CNIH3: variants seen among roughly 807,000 people sequenced by gnomAD.
CNIH3 encodes the protein protein cornichon homolog 3.
CNIH3 carries 14 observed loss-of-function variants against 24.1 expected under a neutral mutation model. That is an observed-to-expected ratio of 0.58 (90% CI 0.38 to 0.91). The LOEUF is 0.91. Among genes scored for constraint, CNIH3 ranks in the 40% least tolerant of loss-of-function variants. The pLI is 0.00. For synonymous variants in CNIH3, 68 were observed against 73.8 expected (o/e 0.92, Z 0.40); for missense variants, 178 against 196.8 (o/e 0.90, Z 0.57).
rs76210471 is a variant in CNIH3, at chr1:224,504,087, T to G, written n.204-11654T>G. Among the ~76,000 whole-genome samples the G allele has an allele frequency of 5.3e-5, 8 of 152,352 alleles. No homozygotes were observed. In the East Asian group the frequency reaches 1.2e-3, roughly 22 times the overall value. On this transcript the variant is annotated intron_variant and non_coding_transcript_variant, in intron 1 of 5. Transcript: ENST00000471578. ...AAAATGGATACAGTACTTGCCCTAC[T>G]TACTTAAACAGGCTGTTTTGAGGAC...
intron 3 of CNIH3, among the ~76,000 whole-genome samples, chr1:224,560,515 C>T (rs570171742): frequency 2.6e-5 from 4 of 152,158 alleles, no homozygotes; most frequent in African/African-American, 9.6e-5. Context: ...GAGCTGCTCC[C>T]CGTTGCTTGC....
chr1:224,505,032 C>CCCTTCCTTCCTTCCTTCCTTCCTTCCTT (rs1181782404), intron 1 of CNIH3, among the ~76,000 whole-genome samples: 5 of 45,822 alleles, frequency 1.1e-4, no homozygotes, highest in African/African-American at 3.1e-4. Context: ...CTCCCTCCCT[C>CCCTTCCTTCCTTCCTTCCTTCCTTCCTT]CCTTCCTTCC....
chr1:224,714,061 C>G lies in CNIH3; in HGVS notation c.199-16401C>G, dbSNP rs148996860. Among the ~76,000 whole-genome samples, 366 of 152,296 alleles carry G rather than the reference C, an allele frequency of 2.4e-3. 1 individual carries two copies. Among genetic ancestry groups the G allele is most frequent in the Non-Finnish European group, 4.0e-3 (270 of 68,020 alleles). On this transcript the variant is annotated intron_variant, in intron 3 of 5. Coordinates refer to ENST00000272133, the MANE Select transcript of CNIH3 (RefSeq NM_152495.2). ...AACTCCTGGGCTCAAGTGATCCACCCCACTTGGCTTCCCAAAGTGCTGGGA... is the reference window on the plus strand; with the variant it reads ...AACTCCTGGGCTCAAGTGATCCACCGCACTTGGCTTCCCAAAGTGCTGGGA...
At chr1:224,694,677 A>G (rs780262480) in intron 3 of CNIH3, among the ~76,000 whole-genome samples, 2 of 152,230 alleles carry the variant, frequency 1.3e-5, no homozygotes, top group Non-Finnish European at 2.9e-5. Context: ...TTATGGAACC[A>G]ACCTAAATGC....
intron 3 of CNIH3, among the ~76,000 whole-genome samples, chr1:224,699,211 T>G (rs1687343970): frequency 6.6e-6 from 1 of 152,202 alleles, no homozygotes; most frequent in South Asian, 2.1e-4. Context: ...CCCTGTTCTC[T>G]TCTCTAGTCT....
intron 3 of CNIH3, among the ~76,000 whole-genome samples, chr1:224,608,532 C>A (rs1682536442): frequency 6.6e-6 from 1 of 152,216 alleles, no homozygotes; most frequent in South Asian, 2.1e-4. Context: ...CAGAACGGAA[C>A]AGAACAGGAC....
chr1:224,638,806 A>C (rs1684217017), intron 1 of CNIH3, among the ~76,000 whole-genome samples: 1 of 152,206 alleles, frequency 6.6e-6, no homozygotes, highest in South Asian at 2.1e-4. Flanking sequence ...CATTAAATGA[A>C]GTTCATCACC....
At chr1:224,587,115 C>T (rs1681543773) in intron 5 of CNIH3, 4 of 152,212 alleles carry the variant, frequency 2.6e-5, no homozygotes, top group Non-Finnish European at 5.9e-5. Context: ...GGTCATGTGC[C>T]TGGTTGCCTA....
chr1:224,604,271 G>A lies in CNIH3; in HGVS notation n.402+38007G>A, dbSNP rs10449245. ...AGAACAGAAATCTTTCAATAGTATA[G>A]GAATCGCTGCAGTTATATTAATGAA... On this transcript the variant is annotated intron_variant and non_coding_transcript_variant, in intron 3 of 7. Transcript: ENST00000478120. The surrounding 1 kb of genome is among the most constrained non-coding windows in gnomAD (Gnocchi z 4.4). Among the ~76,000 whole-genome samples the A allele has an allele frequency of 0.049, 7,450 of 152,290 alleles. 559 individuals are homozygous for A. The highest frequency in any genetic ancestry group is 0.16 in the African/African-American group (6,769 of 41,540).
intron 1 of CNIH3, among the ~76,000 whole-genome samples, chr1:224,636,803 G>A (rs1048105031): frequency 6.6e-6 from 1 of 152,074 alleles, no homozygotes; most frequent in Non-Finnish European, 1.5e-5. Flanking sequence ...ATAATATTCA[G>A]CCAATCTCCA....
chr1:224,592,299 T>C (rs561759459), downstream of CNIH3, among the ~76,000 whole-genome samples: 93 of 152,200 alleles, frequency 6.1e-4, no homozygotes, highest in African/African-American at 2.2e-3. Flanking sequence ...TGGTCGAGCT[T>C]AGAGGAGTAA....
chr1:224,708,744 G>T (rs573598495), intron 3 of CNIH3, among the ~76,000 whole-genome samples: 2 of 152,070 alleles, frequency 1.3e-5, no homozygotes, highest in Non-Finnish European at 2.9e-5. Flanking sequence ...TTGTGCACAC[G>T]CATGTCTCTC....
At chr1:224,615,691 G>A (rs572792613), upstream of CNIH3, 1 of 152,292 alleles carries the variant, frequency 6.6e-6, no homozygotes, top group East Asian at 1.9e-4. Context: ...CTTCAGCGCA[G>A]AATAGCCCAC....
intron 1 of CNIH3, among the ~76,000 whole-genome samples, chr1:224,647,953 C>T (rs972046608): frequency 4.6e-5 from 7 of 152,130 alleles, no homozygotes; most frequent in Non-Finnish European, 1.0e-4. Context: ...GTACTGGTTA[C>T]GGGAACGGGC....
intron 1 of CNIH3, among the ~76,000 whole-genome samples, chr1:224,634,310 G>A (rs565722841): frequency 5.3e-5 from 8 of 152,284 alleles, no homozygotes; most frequent in East Asian, 1.9e-4. Context: ...GAGGCCGGGC[G>A]TGGTGGCTCA....
chr1:224,718,622 A>G (rs1225856985), intron 3 of CNIH3, among the ~76,000 whole-genome samples: 1 of 152,166 alleles, frequency 6.6e-6, no homozygotes, highest in Admixed American at 6.5e-5. Context: ...TGAGGGGACC[A>G]GTTAGGAGGA....
chr1:224,505,333 C>T (rs1029241130), intron 1 of CNIH3, among the ~76,000 whole-genome samples: 4 of 150,828 alleles, frequency 2.7e-5, no homozygotes, highest in African/African-American at 9.8e-5. Flanking sequence ...TCTTTTTTGC[C>T]ATATCATGAA....
intron 1 of CNIH3, among the ~76,000 whole-genome samples, chr1:224,651,420 C>T (rs1684850927): frequency 6.6e-6 from 1 of 152,118 alleles, no homozygotes; most frequent in Non-Finnish European, 1.5e-5. Flanking sequence ...TTTTCTTTAC[C>T]ATCACTTTAA....
intron 3 of CNIH3, among the ~76,000 whole-genome samples, chr1:224,595,131 T>C (rs1442691109): frequency 6.6e-6 from 1 of 152,204 alleles, no homozygotes; most frequent in African/African-American, 2.4e-5. Context: ...ACTGTAGCCT[T>C]GAACTCCTGC....
Sources: gnomAD v4.1 joint callset for allele counts (sites outside exome capture counted in the v4.1 genomes callset) on GRCh38, gnomAD v4.1.1 for gene constraint, Gnocchi (gnomAD v3.1) non-coding constraint, MANE v1.5 for transcripts, NCBI Gene and HGNC (gene_info 2026-07-23, HGNC 2026-07-21) for gene names.